ZMIZ1: variants seen among roughly 807,000 people sequenced by gnomAD.
ZMIZ1 encodes the protein zinc finger MIZ-type containing 1.
ZMIZ1 carries 17 observed loss-of-function variants against 113.9 expected under a neutral mutation model. The observed-to-expected ratio is 0.15, with a 90% CI of 0.10 to 0.22. The LOEUF is 0.22. Among genes scored for constraint, ZMIZ1 ranks in the 10% least tolerant of loss-of-function variants. The pLI is 1.00. For missense variants in ZMIZ1, 1,059 were observed against 1,477.8 expected (o/e 0.72, Z 4.65); for synonymous variants, 607 against 603.1 (o/e 1.01, Z -0.09).
chr10:79,238,354 G>A (rs908583273), intron 7 of ZMIZ1, among the ~76,000 whole-genome samples: 2 of 152,252 alleles, frequency 1.3e-5, no homozygotes, highest in Non-Finnish European at 2.9e-5. Context: ...TCCAGGATGA[G>A]TGGCCCTGCT....
chr10:79,095,066 A>C (rs1843126526), intron 1 of ZMIZ1, among the ~76,000 whole-genome samples: 1 of 152,158 alleles, frequency 6.6e-6, no homozygotes, highest in Non-Finnish European at 1.5e-5. Context: ...AGCTGGCTAC[A>C]GGAGCTCTGA....
In ZMIZ1 at chr10:79,151,498, C is replaced by T. The variant is rs74448341; in HGVS notation, c.-130-10555C>T. 1.9e-3 allele frequency among the ~76,000 whole-genome samples: 282 copies of T among 152,296 alleles called. 1 individual carries two copies. The highest frequency in any genetic ancestry group is 3.5e-3 in the Non-Finnish European group (236 of 68,022). ...AGCAGAGAAGCCTGGCACACTCATC[C>T]GGTGTTGGAGCCCTGATTCAAGAGG... On this transcript the variant is annotated intron_variant, in intron 3 of 24. Transcript: ENST00000334512.
At chr10:79,253,002 A>G (rs531310304) in intron 7 of ZMIZ1, among the ~76,000 whole-genome samples, 153 of 152,334 alleles carry the variant, frequency 1.0e-3, no homozygotes, top group Middle Eastern at 3.4e-3. Flanking sequence ...TCTCTGGTCC[A>G]GGCACTGTGG....
intron 7 of ZMIZ1, 49 bp from the exon 8 acceptor site, chr10:79,277,132 G>T: frequency 2.1e-6 from 3 of 1,460,374 alleles, no homozygotes. Flanking sequence ...TCTTGGTGTG[G>T]CAGAGCATGA....
intron 5 of ZMIZ1, among the ~76,000 whole-genome samples, chr10:79,203,330 G>C (rs1193543997): frequency 6.6e-6 from 1 of 152,168 alleles, no homozygotes; most frequent in Admixed American, 6.5e-5. Flanking sequence ...ATTGAAGAAG[G>C]CTTGTTACAG....
Position 79,296,250 on chromosome 10 carries a change from G to T in ZMIZ1, c.1231-221G>T, listed in dbSNP as rs185873905. ...TTCAGGGGCACATGTGCTCCAGGAA[G>T]AACGGCCTCAAGGGGAGGTGGCCTA... is the stretch of plus-strand genomic sequence containing the variant. On this transcript the variant is annotated intron_variant, in intron 12 of 24. Transcript: ENST00000334512. This position sits in a 1 kb window ranked among gnomAD's most constrained non-coding sequence, Gnocchi z 4.1. 155 of 592,940 alleles carry T rather than the reference G, an allele frequency of 2.6e-4. No homozygotes were observed. The highest frequency in any genetic ancestry group is 4.1e-4 in the Non-Finnish European group (135 of 330,336). 36.7% of individuals were successfully genotyped at this position (592,940 alleles called of 1,614,324 possible). A position where few individuals can be genotyped will look rare whatever the true frequency, so the allele number is the denominator to read the frequency against.
At chr10:79,139,842 C>T (rs1845184193) in intron 3 of ZMIZ1, 65 bp downstream of exon 3, 1 of 398,588 alleles carries the variant, frequency 2.5e-6, no homozygotes, top group Non-Finnish European at 4.4e-6. Context: ...CAGGGGCAAG[C>T]CCTAGCAGCC....
At chr10:79,151,325 C>G (rs755182330) in intron 3 of ZMIZ1, among the ~76,000 whole-genome samples, 11 of 152,234 alleles carry the variant, frequency 7.2e-5, no homozygotes, top group Non-Finnish European at 1.6e-4. Flanking sequence ...GGACACAGTG[C>G]TGGGCCCCCT....
chr10:79,291,670 G>T (rs1195560254), intron 10 of ZMIZ1, among the ~76,000 whole-genome samples: 1 of 152,210 alleles, frequency 6.6e-6, no homozygotes, highest in Non-Finnish European at 1.5e-5. Flanking sequence ...GAGCTCTGGG[G>T]AGTGGTGTGA....
chr10:79,104,673 T>G (rs1302488962), intron 1 of ZMIZ1, among the ~76,000 whole-genome samples: 1 of 152,184 alleles, frequency 6.6e-6, no homozygotes, highest in Admixed American at 6.5e-5. Context: ...TGGGGCTTCC[T>G]GTGAGAGCCA....
intron 8 of ZMIZ1, among the ~76,000 whole-genome samples, chr10:79,284,668 T>C (rs534582787): frequency 1.3e-5 from 2 of 152,302 alleles, no homozygotes; most frequent in African/African-American, 4.8e-5. Flanking sequence ...AGTCCCACTT[T>C]ACAGATGAGA....
At chr10:79,126,032 C>T (rs1389869388) in intron 2 of ZMIZ1, among the ~76,000 whole-genome samples, 1 of 152,182 alleles carries the variant, frequency 6.6e-6, no homozygotes, top group Admixed American at 6.5e-5. Flanking sequence ...GGAGAGCCAC[C>T]CAGAACTGGG....
chr10:79,199,934 G>A (rs1369737012), intron 4 of ZMIZ1, among the ~76,000 whole-genome samples: 2 of 152,236 alleles, frequency 1.3e-5, no homozygotes, highest in African/African-American at 2.4e-5. Context: ...CAACAAGCGT[G>A]TGTAGAAGGC....
At chr10:79,274,343 A>G (rs1245906997) in intron 7 of ZMIZ1, among the ~76,000 whole-genome samples, 1 of 152,092 alleles carries the variant, frequency 6.6e-6, no homozygotes, top group Non-Finnish European at 1.5e-5. Flanking sequence ...GCCCCGCCTA[A>G]TTAGAGCAGA....
intron 15 of ZMIZ1, 63 bp downstream of exon 15, chr10:79,298,643 G>A (rs373890488): frequency 1.4e-6 from 2 of 1,452,522 alleles, no homozygotes; most frequent in African/African-American, 2.9e-5. Context: ...CCGGGAGCAG[G>A]GGCTTCGCAG....
chr10:79,259,617 CTTTT>C (rs376330346), intron 7 of ZMIZ1, among the ~76,000 whole-genome samples: 4 of 141,154 alleles, frequency 2.8e-5, no homozygotes, highest in Admixed American at 1.4e-4. Flanking sequence ...CTATCACCTT[CTTTT>C]TTTTTTTTTT....
chr10:79,140,069 T>C (rs894155839), intron 3 of ZMIZ1, among the ~76,000 whole-genome samples: 8 of 152,226 alleles, frequency 5.3e-5, no homozygotes, highest in African/African-American at 1.9e-4. Flanking sequence ...CAGTTGTGTC[T>C]GATTTGGTTG....
intron 1 of ZMIZ1, among the ~76,000 whole-genome samples, chr10:79,097,186 T>A (rs780171427): frequency 2.6e-4 from 40 of 152,158 alleles, no homozygotes; most frequent in Non-Finnish European, 1.5e-4. Context: ...GGGTCCCACA[T>A]GGTGCTGGCT....
chr10:79,114,492 T>C lies in ZMIZ1; in HGVS notation c.-336-4423T>C, dbSNP rs1224484912. Among the ~76,000 whole-genome samples, 416 of 68,072 alleles carry C rather than the reference T, an allele frequency of 6.1e-3. 2 individuals carry two copies. The highest frequency in any genetic ancestry group is 0.024 in the Middle Eastern group (4 of 166). 44.7% of individuals were successfully genotyped at this position (68,072 alleles called of 152,430 possible). On this transcript the variant is annotated intron_variant, in intron 1 of 24. Coordinates refer to ENST00000334512, the MANE Select transcript of ZMIZ1 (RefSeq NM_020338.4). ...GTGTGTGTGTCTGTGTGTGTGTGTG[T>C]GCGTGTGTGTGTGCGTGTGTGTGTG...
Sources: allele counts gnomAD v4.1 joint callset (sites outside exome capture counted in the v4.1 genomes callset), GRCh38; gene constraint gnomAD v4.1.1; non-coding constraint Gnocchi (gnomAD v3.1); transcripts MANE v1.5; gene names NCBI Gene and HGNC (gene_info 2026-07-23, HGNC 2026-07-21).